Variants in PRKCZ observed in about 807,000 individuals in gnomAD.
The protein encoded by PRKCZ is protein kinase C zeta type.
PRKCZ carries 33 observed loss-of-function variants against 79.5 expected under a neutral mutation model. That is an observed-to-expected ratio of 0.41 (90% CI 0.31 to 0.55). PRKCZ has a LOEUF of 0.55. PRKCZ is among the 20% of genes least tolerant of loss of function. The pLI, the probability that PRKCZ is intolerant of heterozygous loss-of-function variation, is 0.19. For missense variants in PRKCZ, 578 were observed against 813.5 expected (o/e 0.71, Z 3.52); for synonymous variants, 342 against 320.9 (o/e 1.07, Z -0.70).
At chr1:2,076,886 C>T (rs775493901) in intron 4 of PRKCZ, among the ~76,000 whole-genome samples, 1 of 152,180 alleles carries the variant, frequency 6.6e-6, no homozygotes, top group South Asian at 2.1e-4. Context: ...CTCCACGCAT[C>T]GGGGCCCGGC....
chr1:2,053,345 C>A (rs891331624), intron 1 of PRKCZ, among the ~76,000 whole-genome samples: 1 of 152,182 alleles, frequency 6.6e-6, no homozygotes. Context: ...GTGATCCGCC[C>A]GCCTTGGCCT....
rs928198333 is a variant in PRKCZ, at chr1:2,177,975, G to A, written c.1575+2662G>A. Among the ~76,000 whole-genome samples, 2 of 152,248 alleles carry A rather than the reference G, an allele frequency of 1.3e-5. No individual in the cohort carries two copies. The highest frequency in any genetic ancestry group is 1.3e-4 in the Admixed American group (2 of 15,286). On this transcript the variant is annotated intron_variant, in intron 16 of 17. Transcript: ENST00000378567. This position sits in a 1 kb window ranked among gnomAD's most constrained non-coding sequence, Gnocchi z 6.4. ...GTTTCCTTGCCACCCATCAGCTCTT[G>A]AGGCTTTTAGGAAGAAGTGTGGCTG...
At chr1:2,096,134 C>G (rs533738281) in intron 4 of PRKCZ, among the ~76,000 whole-genome samples, 2 of 151,636 alleles carry the variant, frequency 1.3e-5, no homozygotes, top group Non-Finnish European at 2.9e-5. Flanking sequence ...AGATGGGGAC[C>G]TCGGCTGCCC....
chr1:2,062,699 G>T (rs573972154), intron 4 of PRKCZ, among the ~76,000 whole-genome samples: 23 of 151,950 alleles, frequency 1.5e-4, no homozygotes, highest in South Asian at 1.3e-3. Flanking sequence ...TGTTGCCCAG[G>T]CTAGTCTCGA....
chr1:2,144,368 G>A (rs2103117298), intron 6 of PRKCZ, 27 bp downstream of exon 6: 3 of 1,555,482 alleles, frequency 1.9e-6, no homozygotes, highest in South Asian at 1.2e-5. Context: ...GGGAGGCCCG[G>A]GGGGCACGGG....
At position 2,081,365 on chromosome 1, in the gene PRKCZ, G is replaced by C. The variant is rs115879039; in HGVS notation, c.334+21774G>C. Among the ~76,000 whole-genome samples the C allele has an allele frequency of 4.6e-3, 702 of 152,274 alleles. 3 individuals are homozygous for C. The highest frequency in any genetic ancestry group is 0.015 in the African/African-American group (629 of 41,562). ...GCCAGACACTGGGTGGGTTGGGGGT[G>C]GGTGCTGACGGGTCTCTGGCAGGAG... On this transcript the variant is annotated intron_variant, in intron 4 of 17. Transcript: ENST00000378567.
chr1:2,086,620 G>A (rs980086350), intron 4 of PRKCZ, among the ~76,000 whole-genome samples: 3 of 152,218 alleles, frequency 2.0e-5, no homozygotes, highest in Admixed American at 1.3e-4. Context: ...GGCTTCCTTC[G>A]GAGGAGGGTG....
chr1:2,082,528 A>T lies in PRKCZ; in HGVS notation c.334+22937A>T. On this transcript the variant is annotated intron_variant, in intron 4 of 17. Coordinates refer to ENST00000378567, the MANE Select transcript of PRKCZ (RefSeq NM_002744.6). This position sits in a 1 kb window ranked among gnomAD's most constrained non-coding sequence, Gnocchi z 4.4. Reference sequence around the variant, plus strand: ...TGATGTGGGCAGTGCCGTGCTGGTAAATGCTCTGTGAGGAAGGAACGATGG... The same window carrying T: ...TGATGTGGGCAGTGCCGTGCTGGTATATGCTCTGTGAGGAAGGAACGATGG... The T allele has an allele frequency of 2.5e-6, 1 of 407,124 alleles. No individual in the cohort carries two copies. The highest frequency in any genetic ancestry group is 1.8e-5 in the South Asian group (1 of 55,558). The allele number at this position is 407,124 out of a possible 1,614,324, so 25.2% of individuals were successfully genotyped here.
intron 4 of PRKCZ, among the ~76,000 whole-genome samples, chr1:2,081,001 C>A (rs1216263762): frequency 6.6e-6 from 1 of 152,172 alleles, no homozygotes; most frequent in Non-Finnish European, 1.5e-5. Context: ...TCCACGCAGC[C>A]TGTCCGTGCT....
At chr1:2,101,367 G>T (rs1317531145) in intron 4 of PRKCZ, among the ~76,000 whole-genome samples, 1 of 152,124 alleles carries the variant, frequency 6.6e-6, no homozygotes, top group South Asian at 2.1e-4. Context: ...CCCTTCTCTG[G>T]TGGTCTCACT....
chr1:2,054,665 T>C (rs969448889), intron 1 of PRKCZ, among the ~76,000 whole-genome samples: 1 of 152,054 alleles, frequency 6.6e-6, no homozygotes, highest in Non-Finnish European at 1.5e-5. Context: ...CATTATGGAA[T>C]TATTTAATCC....
intron 4 of PRKCZ, among the ~76,000 whole-genome samples, chr1:2,112,867 T>C (rs1300798879): frequency 6.6e-6 from 1 of 152,186 alleles, no homozygotes; most frequent in African/African-American, 2.4e-5. Context: ...TTTTTTTCTA[T>C]ATTTGGTAGA....
chr1:2,067,745 G>A (rs979014601), intron 4 of PRKCZ, among the ~76,000 whole-genome samples: 11 of 152,194 alleles, frequency 7.2e-5, no homozygotes, highest in African/African-American at 1.2e-4. Flanking sequence ...GTGTGTGGCC[G>A]GTAGATTCCC....
At chr1:2,067,122 G>A (rs919699872) in intron 4 of PRKCZ, among the ~76,000 whole-genome samples, 5 of 152,274 alleles carry the variant, frequency 3.3e-5, no homozygotes, top group Admixed American at 6.5e-5. Flanking sequence ...TCTTGATGTG[G>A]TTGGAGAATA....
Position 2,169,509 on chromosome 1 carries a change from T to G in PRKCZ, c.975-9T>G. On this transcript the variant is annotated splice_polypyrimidine_tract_variant and intron_variant, in intron 10 of 17. Transcript: ENST00000378567. ...GTGACTGCAGCCTCCGGCGCCTCTC[T>G]CCCTGCAGGTTGTTCCTGGTCATTG... The G allele has an allele frequency of 6.5e-7, 1 of 1,548,652 alleles. No individual in the cohort carries two copies. The highest frequency in any genetic ancestry group is 8.7e-7 in the Non-Finnish European group (1 of 1,145,348).
chr1:2,079,019 G>T (rs1014602660), intron 4 of PRKCZ, among the ~76,000 whole-genome samples: 5 of 151,942 alleles, frequency 3.3e-5, no homozygotes, highest in Non-Finnish European at 7.4e-5. Context: ...ATTTTTTGTA[G>T]TTTTAGTAGA....
intron 10 of PRKCZ, among the ~76,000 whole-genome samples, chr1:2,163,591 A>C (rs1682736207): frequency 6.6e-6 from 1 of 152,094 alleles, no homozygotes; most frequent in Non-Finnish European, 1.5e-5. Context: ...CTGTTTTGCT[A>C]TCAAGAAAAA....
chr1:2,115,154 G>T (rs867009860), intron 4 of PRKCZ, among the ~76,000 whole-genome samples: 2 of 152,264 alleles, frequency 1.3e-5, no homozygotes, highest in Admixed American at 1.3e-4. Context: ...CATCCACCCT[G>T]GGTGTGGCCG....
chr1:2,102,241 G>T (rs1667560213), intron 4 of PRKCZ, among the ~76,000 whole-genome samples: 1 of 152,074 alleles, frequency 6.6e-6, no homozygotes, highest in Admixed American at 6.5e-5. Context: ...TGGATGGGTG[G>T]GTAATTTATT....
Sources: gnomAD v4.1 joint callset for allele counts (sites outside exome capture counted in the v4.1 genomes callset) on GRCh38, gnomAD v4.1.1 for gene constraint, Gnocchi (gnomAD v3.1) non-coding constraint, MANE v1.5 for transcripts, NCBI Gene and HGNC (gene_info 2026-07-23, HGNC 2026-07-21) for gene names.